Variants in KIF14 observed in about 807,000 individuals in gnomAD.
KIF14 encodes the protein kinesin family member 14.
In KIF14, 98 loss-of-function variants were observed where a neutral mutation model predicts 176.2. The observed-to-expected ratio is 0.56, with a 90% CI of 0.47 to 0.66. KIF14 has a LOEUF of 0.66. KIF14 is among the 30% of genes least tolerant of loss of function. The pLI is 0.00. For missense variants in KIF14, 1,751 were observed against 1,920.4 expected (o/e 0.91, Z 1.65); for synonymous variants, 566 against 632.2 (o/e 0.90, Z 1.57).
At chr1:200,612,289 C>T (rs570483361) in intron 4 of KIF14, among the ~76,000 whole-genome samples, 1 of 152,318 alleles carries the variant, frequency 6.6e-6, no homozygotes, top group East Asian at 1.9e-4. Flanking sequence ...AGGCGTGAGC[C>T]ACCATGCCTG....
chr1:200,577,579 A>G (rs746095461), intron 21 of KIF14, among the ~76,000 whole-genome samples: 42 of 151,982 alleles, frequency 2.8e-4, no homozygotes, highest in Non-Finnish European at 5.0e-4. Flanking sequence ...AGTGGATCAC[A>G]AGGTCAGGAG....
chr1:200,579,399 G>A (rs1160625141), intron 21 of KIF14, among the ~76,000 whole-genome samples: 1 of 152,124 alleles, frequency 6.6e-6, no homozygotes, highest in Non-Finnish European at 1.5e-5. Flanking sequence ...CCGAGGTCAG[G>A]AGTTCGAGAC....
chr1:200,580,970 T>C (rs1175076679), intron 20 of KIF14, among the ~76,000 whole-genome samples: 1 of 151,798 alleles, frequency 6.6e-6, no homozygotes, highest in African/African-American at 2.4e-5. Flanking sequence ...ATTAGCTGGG[T>C]GTGGTGGCGC....
chr1:200,578,577 T>C (rs1658259774), intron 21 of KIF14, among the ~76,000 whole-genome samples: 1 of 152,094 alleles, frequency 6.6e-6, no homozygotes, highest in Non-Finnish European at 1.5e-5. Context: ...GTGAACTTTT[T>C]TTTTTTTAAT....
rs1357871424 is a variant in KIF14 at position 200,598,247 on chromosome 1, C to CA, written c.2538dup (p.Asp847Ter). On this transcript the variant is annotated frameshift_variant, in exon 14 of 30. Transcript: ENST00000367350. LOFTEE classifies it high-confidence loss of function. ...AGAGGATTAACATACCAATGATCAT[C>CA]AGCAATCAGCACCCCAGATAACTGA... 1 of 1,611,542 alleles carries CA rather than the reference C, an allele frequency of 6.2e-7. No homozygotes were observed. Among genetic ancestry groups the CA allele is most frequent in the Non-Finnish European group, 8.5e-7 (1 of 1,179,216 alleles).
At position 200,560,819 on chromosome 1, in the gene KIF14, A is replaced by G; in HGVS notation, c.4133T>C (p.Val1378Ala). 1.2e-6 allele frequency: 2 copies of G among 1,614,084 alleles called. No individual in the cohort carries two copies. Among genetic ancestry groups the G allele is most frequent in the East Asian group, 4.5e-5 (2 of 44,886 alleles). ...KEAQKNAIQI[V>A]QQAVKYVGQL... ...CCCCACATACTTTACAGCTTGTTGTACAATTTGGATTGCATTCTTTTGAGC... is the reference window on the plus strand; with the variant it reads ...CCCCACATACTTTACAGCTTGTTGTGCAATTTGGATTGCATTCTTTTGAGC... Residue 1378 changes from valine to alanine, a missense_variant, in exon 26 of 30, where the codon GTA becomes GCA. Transcript: ENST00000367350.
At chr1:200,553,948 T>C (rs1429786195) in intron 29 of KIF14, among the ~76,000 whole-genome samples, 181 bp from the exon 30 acceptor site, 1 of 152,208 alleles carries the variant, frequency 6.6e-6, no homozygotes, top group Non-Finnish European at 1.5e-5. Context: ...TTTTTCAGGA[T>C]CTAATTATTT....
At chr1:200,592,887 C>T (rs1203406902) in intron 15 of KIF14, among the ~76,000 whole-genome samples, 1 of 152,076 alleles carries the variant, frequency 6.6e-6, no homozygotes, top group East Asian at 1.9e-4. Flanking sequence ...CCATAGGCAA[C>T]TATAACACAA....
At chr1:200,617,531 C>A in intron 2 of KIF14, 81 bp downstream of exon 2, 1 of 1,378,362 alleles carries the variant, frequency 7.3e-7, no homozygotes, top group African/African-American at 1.5e-5. Flanking sequence ...CACGAATACA[C>A]TGACCTTCCA....
At chr1:200,577,649 C>T (rs891840438) in intron 21 of KIF14, among the ~76,000 whole-genome samples, 10 of 150,776 alleles carry the variant, frequency 6.6e-5, no homozygotes, top group African/African-American at 1.7e-4. Context: ...TGCAGTGAGC[C>T]GAAATCGCAC....
chr1:200,564,137 C>T (rs1657310509), intron 25 of KIF14, among the ~76,000 whole-genome samples: 1 of 151,684 alleles, frequency 6.6e-6, no homozygotes, highest in Non-Finnish European at 1.5e-5. Context: ...TGGTGAGTGC[C>T]TGTAATCCTA....
chr1:200,597,089 A>G (rs1659391650), intron 14 of KIF14, among the ~76,000 whole-genome samples: 1 of 151,296 alleles, frequency 6.6e-6, no homozygotes, highest in Admixed American at 6.6e-5. Flanking sequence ...TAGTAGAGAC[A>G]GGGTTTCACC....
At chr1:200,607,201 G>A (rs1002130570) in intron 5 of KIF14, among the ~76,000 whole-genome samples, 1 of 151,884 alleles carries the variant, frequency 6.6e-6, no homozygotes, top group African/African-American at 2.4e-5. Flanking sequence ...GTACAGTGGT[G>A]CAATCTTGGC....
chr1:200,587,525 T>A (rs1658817350), intron 18 of KIF14, among the ~76,000 whole-genome samples: 1 of 152,026 alleles, frequency 6.6e-6, no homozygotes, highest in Non-Finnish European at 1.5e-5. Flanking sequence ...TAATAATAAT[T>A]GTTTTGGGGC....
At chr1:200,593,873 G>T in intron 14 of KIF14, 104 bp from the exon 15 acceptor site, 46 of 534,472 alleles carry the variant, frequency 8.6e-5, no homozygotes, top group East Asian at 1.8e-4. Flanking sequence ...TTGGTGTTAA[G>T]ATTCATACCA....
rs201063068 is a variant in KIF14 at position 200,559,343 on chromosome 1, C to T, written c.4340G>A (p.Cys1447Tyr). 4.4e-5 allele frequency: 68 copies of T among 1,555,592 alleles called. No homozygotes were observed. Among genetic ancestry groups the T allele is most frequent in the Non-Finnish European group, 5.6e-5 (64 of 1,152,884 alleles). The change falls in exon 27 of 30, where the codon TGT becomes TAT. Residue 1447 changes from cysteine to tyrosine, a missense_variant. Coordinates refer to ENST00000367350, the MANE Select transcript of KIF14 (RefSeq NM_014875.3). ...TATTCATCTTACCTCATTTTTTGTACACTGCCTAAAGAGTTCATGCTGAAG... is the reference window on the plus strand; with the variant it reads ...TATTCATCTTACCTCATTTTTTGTATACTGCCTAAAGAGTTCATGCTGAAG... ...KELQHELFRQ[C>Y]TKNEVTKEMK... is the part of the protein sequence containing the mutation.
chr1:200,590,084 C>T (rs753956037), intron 17 of KIF14, 41 bp downstream of exon 17: 6 of 1,571,546 alleles, frequency 3.8e-6, no homozygotes, highest in Non-Finnish European at 5.1e-6. Flanking sequence ...ACTTGGGGTA[C>T]ACTGTCGGAA....
Position 200,589,377 on chromosome 1 carries a change from G to T in KIF14, c.2962-8C>A. On this transcript the variant is annotated splice_region_variant and splice_polypyrimidine_tract_variant and intron_variant, in intron 17 of 29. Transcript: ENST00000367350. ...CCTTTGAGACTCTTCTCTCTTTAAA[G>T]AACAATAATAAAAAATATCTCAGGC... is the stretch of plus-strand genomic sequence containing the variant. 6.3e-7 allele frequency: 1 copy of T among 1,583,182 alleles called. No homozygotes were observed. The highest frequency in any genetic ancestry group is 1.2e-5 in the South Asian group (1 of 86,074).
At chr1:200,561,262 C>G (rs563999490) in intron 25 of KIF14, among the ~76,000 whole-genome samples, 2 of 144,484 alleles carry the variant, frequency 1.4e-5, no homozygotes. Flanking sequence ...AAAAATGTCC[C>G]GGACACGGTG....
Sources: allele counts gnomAD v4.1 joint callset (sites outside exome capture counted in the v4.1 genomes callset), GRCh38; gene constraint gnomAD v4.1.1; transcripts MANE v1.5; gene names NCBI Gene and HGNC (gene_info 2026-07-23, HGNC 2026-07-21).